MAP3K5: variants seen among roughly 807,000 people sequenced by gnomAD.
The protein encoded by MAP3K5 is ASK-1.
MAP3K5 carries 56 observed loss-of-function variants against 158.7 expected under a neutral mutation model. The observed-to-expected ratio is 0.35, with a 90% CI of 0.28 to 0.44. MAP3K5 has a LOEUF of 0.44. Ranked by LOEUF, MAP3K5 falls within the 20% of genes least tolerant of loss-of-function variation. MAP3K5 has a pLI of 1.00. For synonymous variants in MAP3K5, 579 were observed against 601.7 expected, an observed-to-expected ratio of 0.96 and a Z score of 0.55; for missense variants, 1,294 against 1,674.8, an observed-to-expected ratio of 0.77 and a Z score of 3.97.
intron 1 of MAP3K5, among the ~76,000 whole-genome samples, chr6:136,791,282 G>T (rs1208708721): frequency 1.3e-5 from 2 of 152,122 alleles, no homozygotes; most frequent in Non-Finnish European, 2.9e-5. Flanking sequence ...CATCGTTCCC[G>T]TACTCTCAAA....
chr6:136,703,114 A>T (rs933085525), intron 3 of MAP3K5, among the ~76,000 whole-genome samples: 4 of 152,162 alleles, frequency 2.6e-5, no homozygotes, highest in Non-Finnish European at 5.9e-5. Flanking sequence ...AAATGACATG[A>T]GCTTCTGGAA....
At chr6:136,598,812 G>C (rs1347534503) in intron 21 of MAP3K5, among the ~76,000 whole-genome samples, 1 of 152,174 alleles carries the variant, frequency 6.6e-6, no homozygotes, top group Non-Finnish European at 1.5e-5. Flanking sequence ...AGGAGAGTAA[G>C]ACGAGCTAAT....
intron 1 of MAP3K5, among the ~76,000 whole-genome samples, chr6:136,772,239 G>C (rs9402846): frequency 0.56 from 84,356 of 151,338 alleles, 23,659 homozygotes; most frequent in Admixed American, 0.64. Context: ...TTATTTTGAG[G>C]GGGGGGGAGA....
chr6:136,586,253 A>C (rs1038461856), intron 23 of MAP3K5, among the ~76,000 whole-genome samples: 1 of 152,246 alleles, frequency 6.6e-6, no homozygotes, highest in African/African-American at 2.4e-5. Flanking sequence ...AAGAAGAAAA[A>C]TGTGAGTTAT....
intron 1 of MAP3K5, among the ~76,000 whole-genome samples, chr6:136,733,675 A>G (rs1782324661): frequency 6.6e-6 from 1 of 152,086 alleles, no homozygotes; most frequent in Non-Finnish European, 1.5e-5. Context: ...GGCAAAATTG[A>G]GAGGAAGGTA....
At chr6:136,702,248 T>A (rs1780885614) in intron 3 of MAP3K5, among the ~76,000 whole-genome samples, 1 of 152,102 alleles carries the variant, frequency 6.6e-6, no homozygotes, top group Non-Finnish European at 1.5e-5. Flanking sequence ...AGAAGCCACA[T>A]GGATACAACT....
chr6:136,582,146 C>T (rs1229450825), intron 24 of MAP3K5, among the ~76,000 whole-genome samples: 2 of 152,098 alleles, frequency 1.3e-5, no homozygotes, highest in Admixed American at 6.6e-5. Flanking sequence ...ATAACCTGCT[C>T]CTCTCAGCTC....
At chr6:136,695,752 CT>C (rs1215401037) in intron 6 of MAP3K5, among the ~76,000 whole-genome samples, 198 bp downstream of exon 6, 5 of 151,350 alleles carry the variant, frequency 3.3e-5, no homozygotes, top group African/African-American at 1.2e-4. Context: ...CAGTGTGCGA[CT>C]TTTTTTTTAC....
At chr6:136,770,153 G>A (rs1208833623) in intron 1 of MAP3K5, among the ~76,000 whole-genome samples, 1 of 151,992 alleles carries the variant, frequency 6.6e-6, no homozygotes, top group African/African-American at 2.4e-5. Flanking sequence ...TTGAGACAGA[G>A]ACCATGTTTA....
chr6:136,595,248 G>A (rs1405747566), intron 21 of MAP3K5, among the ~76,000 whole-genome samples: 6 of 152,176 alleles, frequency 3.9e-5, no homozygotes, highest in African/African-American at 1.4e-4. Flanking sequence ...CTCCCAAGTA[G>A]CTGGGATTAC....
chr6:136,605,438 CA>C, intron 18 of MAP3K5, 72 bp from the exon 19 acceptor site: 1 of 1,280,082 alleles, frequency 7.8e-7, no homozygotes, highest in Admixed American at 2.5e-5. Flanking sequence ...AGTTTTTCAA[CA>C]GAATTTTTCA....
intron 1 of MAP3K5, among the ~76,000 whole-genome samples, chr6:136,732,252 C>T (rs1431412628): frequency 1.3e-5 from 2 of 151,996 alleles, no homozygotes; most frequent in African/African-American, 2.4e-5. Context: ...TGGTGAAATA[C>T]CGTCTCTACC....
intron 1 of MAP3K5, among the ~76,000 whole-genome samples, chr6:136,784,209 G>A (rs1035035615): frequency 6.6e-6 from 1 of 152,186 alleles, no homozygotes; most frequent in Admixed American, 6.5e-5. Flanking sequence ...ATTAAGGAAA[G>A]AAACCAGGAT....
chr6:136,581,986 G>C (rs1463933008), intron 24 of MAP3K5, among the ~76,000 whole-genome samples: 2 of 152,184 alleles, frequency 1.3e-5, no homozygotes, highest in East Asian at 1.9e-4. Flanking sequence ...GGGAGGCTGA[G>C]GCACAAGAAT....
chr6:136,614,538 T>C (rs1037834504), intron 15 of MAP3K5, among the ~76,000 whole-genome samples: 9 of 152,324 alleles, frequency 5.9e-5, no homozygotes, highest in East Asian at 1.9e-4. Context: ...AGTATTGGTA[T>C]GCCCATTTTA....
intron 25 of MAP3K5, among the ~76,000 whole-genome samples, chr6:136,577,059 C>A (rs140499732): frequency 4.7e-4 from 71 of 152,144 alleles, no homozygotes; most frequent in Non-Finnish European, 9.3e-4. Flanking sequence ...CAGAACATAG[C>A]CCTGTCATTA....
At chr6:136,739,008 T>C (rs1398142244) in intron 1 of MAP3K5, among the ~76,000 whole-genome samples, 2 of 151,990 alleles carry the variant, frequency 1.3e-5, no homozygotes, top group Non-Finnish European at 2.9e-5. Flanking sequence ...GCTTATGATC[T>C]AGCAAGAGAA....
At position 136,792,329 on chromosome 6, in the gene MAP3K5, G is replaced by A; in HGVS notation, c.-172C>T. ...CCGGCGCCCTCTCCCCCGAGGGCAC[G>A]CCGCTGCCCGGCGGCGGCTCGCTCC... On this transcript the variant is annotated 5_prime_UTR_variant, in exon 1 of 30. Transcript: ENST00000359015. This position sits in a 1 kb window ranked among gnomAD's most constrained non-coding sequence, Gnocchi z 5.7. The A allele has an allele frequency of 2.0e-6, 2 of 1,018,460 alleles. No homozygotes were observed. Among genetic ancestry groups the A allele is most frequent in the South Asian group, 4.5e-5 (1 of 22,284 alleles). The allele number at this position is 1,018,460 out of a possible 1,614,324, so 63.1% of individuals were successfully genotyped here.
chr6:136,634,432 C>T (rs2129103527), intron 14 of MAP3K5, among the ~76,000 whole-genome samples: 1 of 152,128 alleles, frequency 6.6e-6, no homozygotes, highest in African/African-American at 2.4e-5. Context: ...CAAACTAAGC[C>T]AAGACTCTTG....
Sources: allele counts gnomAD v4.1 joint callset (sites outside exome capture counted in the v4.1 genomes callset), GRCh38; gene constraint gnomAD v4.1.1; non-coding constraint Gnocchi (gnomAD v3.1); transcripts MANE v1.5; gene names NCBI Gene and HGNC (gene_info 2026-07-23, HGNC 2026-07-21).